Variants in FSD1L observed in about 807,000 individuals in gnomAD.
The protein encoded by FSD1L is FSD1-like protein.
Under a neutral mutation model 71.6 loss-of-function variants are expected in FSD1L, and 45 were observed. The observed-to-expected ratio is 0.63, with a 90% confidence interval of 0.49 to 0.81. The LOEUF is 0.81. Ranked by LOEUF, FSD1L falls within the 30% of genes least tolerant of loss-of-function variation. The probability of loss-of-function intolerance (pLI) is 0.00; values close to 1 mark genes in which losing one functional copy is unlikely to be tolerated. For missense variants in FSD1L, 561 were observed against 618.1 expected (o/e 0.91, Z 0.98); for synonymous variants, 197 against 207.2 (o/e 0.95, Z 0.42).
Position 105,448,119 on chromosome 9 carries a change from G to T in FSD1L, c.-102G>T, listed in dbSNP as rs976158906. 6.3e-6 allele frequency: 8 copies of T among 1,270,676 alleles called. No individual in the cohort carries two copies. The African/African-American group carries it at 1.1e-4, about 17-fold the overall frequency. The allele number at this position is 1,270,676 out of a possible 1,614,324, so 78.7% of individuals were successfully genotyped here. ...GGCCGGGCGGTGCCGGTGCGGGCTG[G>T]GGCAGTGCAGTGAGTAGCGGTCTTG... is the stretch of plus-strand genomic sequence containing the variant. On this transcript the variant is annotated 5_prime_UTR_variant, in exon 1 of 14. Transcript: ENST00000481272.
Position 105,546,552 on chromosome 9 carries a change from GGAATTTGGTA to G in FSD1L, c.*71_*80del. 1 of 1,415,756 alleles carries G rather than the reference GGAATTTGGTA, an allele frequency of 7.1e-7. No individual in the cohort carries two copies. The allele number at this position is 1,415,756 out of a possible 1,614,324, so 87.7% of individuals were successfully genotyped here. On this transcript the variant is annotated 3_prime_UTR_variant, in exon 14 of 14. Coordinates refer to ENST00000481272, the MANE Select transcript of FSD1L (RefSeq NM_001145313.3). ...CTTTTCTGTGCAGTTACTAATCACA[GGAATTTGGTA>G]GTAGTGAAAATCAGGTTTGCTGTGT...
intron 10 of FSD1L, chr9:105,530,655 G>A: frequency 1.5e-6 from 1 of 649,696 alleles, no homozygotes; most frequent in Non-Finnish European, 2.8e-6. Context: ...TTTTCAGAAT[G>A]CATGTTTCCT....
At chr9:105,511,181 TG>T (rs545358797) in intron 9 of FSD1L, among the ~76,000 whole-genome samples, 13 of 149,896 alleles carry the variant, frequency 8.7e-5, no homozygotes, top group African/African-American at 2.7e-4. Context: ...TGGTTTTCAA[TG>T]GTACTATCTA....
chr9:105,532,572 C>T (rs1421227566), intron 10 of FSD1L, among the ~76,000 whole-genome samples: 3 of 152,138 alleles, frequency 2.0e-5, no homozygotes, highest in African/African-American at 4.8e-5. Context: ...ATTTTCCCCC[C>T]TCACGTTCTG....
intron 13 of FSD1L, among the ~76,000 whole-genome samples, chr9:105,541,304 T>A (rs1308584138): frequency 2.1e-5 from 3 of 142,232 alleles, no homozygotes; most frequent in Non-Finnish European, 4.7e-5. Context: ...TTTTTTTTTT[T>A]AACTTTGTAC....
intron 1 of FSD1L, among the ~76,000 whole-genome samples, chr9:105,457,080 GA>G (rs1207883800): frequency 6.7e-6 from 1 of 150,280 alleles, no homozygotes; most frequent in South Asian, 2.1e-4. Context: ...GCTTTGATTA[GA>G]AAAAAAAATG....
At chr9:105,480,934 A>G (rs1324546914) in intron 6 of FSD1L, among the ~76,000 whole-genome samples, 2 of 152,158 alleles carry the variant, frequency 1.3e-5, no homozygotes, top group African/African-American at 2.4e-5. Context: ...TCAAGATTCT[A>G]TATGGCTCTT....
chr9:105,508,446 G>A lies in FSD1L; in HGVS notation c.797-171G>A, dbSNP rs145854375. Among the ~76,000 whole-genome samples the A allele has an allele frequency of 9.1e-3, 1,387 of 152,144 alleles. 18 individuals carry two copies. The highest frequency in any genetic ancestry group is 0.031 in the African/African-American group (1,305 of 41,504). ...CCCACCTGGGCCTTCCAAAGTGCTG[G>A]GATTACAGGTGTGAGCCACTGCGCC... On this transcript the variant is annotated intron_variant, in intron 8 of 13. Coordinates refer to ENST00000481272, the MANE Select transcript of FSD1L (RefSeq NM_001145313.3).
chr9:105,506,604 A>G lies in FSD1L; in HGVS notation c.792A>G (p.Leu264=), dbSNP rs1339940846. 3.3e-6 allele frequency: 5 copies of G among 1,533,302 alleles called. No homozygotes were observed. Among genetic ancestry groups the G allele is most frequent in the Middle Eastern group, 1.7e-4 (1 of 5,964 alleles). 95.0% of individuals were successfully genotyped at this position (1,533,302 alleles called of 1,614,324 possible). ...ATATTAAGGGTACTGAATATACACT[A>G]TCAGGTAACATGACTGCATTTTAGG... ...IDNIKGTEYT[L]SGLKFDSKYM... is the part of the protein sequence containing the mutation. Residue 264 remains leucine (L), a synonymous_variant, in exon 8 of 14, where the codon CTA becomes CTG. Coordinates refer to ENST00000481272, the MANE Select transcript of FSD1L (RefSeq NM_001145313.3).
At chr9:105,448,814 A>G (rs149331024) in intron 1 of FSD1L, among the ~76,000 whole-genome samples, 2 of 152,214 alleles carry the variant, frequency 1.3e-5, no homozygotes, top group Non-Finnish European at 2.9e-5. Context: ...TTCAATTGTT[A>G]GGGCAGCCTT....
At chr9:105,528,237 C>T (rs143185773) in intron 10 of FSD1L, among the ~76,000 whole-genome samples, 5,467 of 152,186 alleles carry the variant, frequency 0.036, 322 homozygotes, top group African/African-American at 0.12. Context: ...ATAGATTCAA[C>T]GCTATTCCCA....
intron 5 of FSD1L, among the ~76,000 whole-genome samples, chr9:105,478,546 G>T (rs1271249169): frequency 6.6e-6 from 1 of 152,000 alleles, no homozygotes; most frequent in Non-Finnish European, 1.5e-5. Context: ...AAAAACTTTT[G>T]TTGGATATAT....
At chr9:105,516,216 A>G (rs904802420) in intron 10 of FSD1L, among the ~76,000 whole-genome samples, 7 of 152,154 alleles carry the variant, frequency 4.6e-5, no homozygotes, top group African/African-American at 7.2e-5. Flanking sequence ...TAAAACCCCT[A>G]TCTCCCTGGG....
chr9:105,484,401 T>C lies in FSD1L; in HGVS notation c.485T>C (p.Phe162Ser). Reference sequence around the variant, plus strand: ...CGTAGAGTCACAATGGCTTCAGCCTTTCGCCTTTCTTTGAAACCAAAGGTC... The same window carrying C: ...CGTAGAGTCACAATGGCTTCAGCCTCTCGCCTTTCTTTGAAACCAAAGGTC... ...IKDRVTMASA[F>S]RLSLKPKVSD... Residue 162 changes from phenylalanine (F) to serine (S), a missense_variant, in exon 7 of 14, where the codon TTT (phenylalanine) becomes TCT (serine). Coordinates refer to ENST00000481272, the MANE Select transcript of FSD1L (RefSeq NM_001145313.3). 2.6e-6 allele frequency: 4 copies of C among 1,526,976 alleles called. No homozygotes were observed. Among genetic ancestry groups the C allele is most frequent in the Non-Finnish European group, 3.5e-6 (4 of 1,138,020 alleles). 94.6% of individuals were successfully genotyped at this position (1,526,976 alleles called of 1,614,324 possible).
At chr9:105,487,969 A>G (rs1208910908) in intron 7 of FSD1L, among the ~76,000 whole-genome samples, 3 of 152,176 alleles carry the variant, frequency 2.0e-5, no homozygotes, top group Admixed American at 6.5e-5. Flanking sequence ...TTCACTATCA[A>G]TGTCTCCCAC....
intron 7 of FSD1L, among the ~76,000 whole-genome samples, chr9:105,484,808 T>G (rs1441491510): frequency 1.3e-5 from 2 of 152,174 alleles, no homozygotes; most frequent in African/African-American, 4.8e-5. Context: ...TCCTATTGCT[T>G]ACTTGCTATG....
At chr9:105,519,200 C>T (rs1353227487) in intron 10 of FSD1L, among the ~76,000 whole-genome samples, 4 of 152,018 alleles carry the variant, frequency 2.6e-5, no homozygotes, top group African/African-American at 9.7e-5. Context: ...ACCAGACAGA[C>T]TCACAGCCAA....
At chr9:105,521,708 T>C (rs1564136876) in intron 10 of FSD1L, 8 of 1,613,418 alleles carry the variant, frequency 5.0e-6, no homozygotes, top group Non-Finnish European at 5.9e-6. Context: ...AAGAGGAAAA[T>C]GGGACCAATA....
At chr9:105,458,776 C>T (rs1048082786) in intron 1 of FSD1L, among the ~76,000 whole-genome samples, 1 of 152,212 alleles carries the variant, frequency 6.6e-6, no homozygotes, top group Admixed American at 6.5e-5. Context: ...CAGGGACCCA[C>T]CCCTATCTGC....
Sources: allele counts gnomAD v4.1 joint callset (sites outside exome capture counted in the v4.1 genomes callset), GRCh38; gene constraint gnomAD v4.1.1; transcripts MANE v1.5; gene names NCBI Gene and HGNC (gene_info 2026-07-23, HGNC 2026-07-21).